The following SEM1 variants were observed in gnomAD, a reference collection of about 807,000 sequenced individuals.
The protein encoded by SEM1 is SEM1 26S proteasome subunit.
SEM1 carries 3 observed loss-of-function variants against 12.7 expected under a neutral mutation model. The ratio of observed to expected loss-of-function variants is 0.24; its 90% CI spans 0.11 to 0.61. The LOEUF is 0.61. Ranked by LOEUF, SEM1 falls within the 20% of genes least tolerant of loss-of-function variation. SEM1 has a pLI of 0.88. For synonymous variants in SEM1, 30 were observed against 27.8 expected (o/e 1.08, Z -0.25); for missense variants, 59 against 81.3 (o/e 0.73, Z 1.06).
downstream of SEM1, chr7:96,688,454 T>A (rs1178150489): frequency 1.3e-5 from 2 of 152,242 alleles, no homozygotes; most frequent in East Asian, 1.9e-4. Flanking sequence ...AAAGGTCACC[T>A]TATAAATGTC....
chr7:96,654,691 G>A (rs1017046082), intron 2 of SEM1, among the ~76,000 whole-genome samples: 10 of 152,152 alleles, frequency 6.6e-5, no homozygotes, highest in African/African-American at 2.2e-4. Context: ...TGGTAGGTAA[G>A]ATGTATTAAA....
chr7:96,695,968 TAAG>T (rs1205007962), intron 1 of SEM1: 1 of 152,016 alleles, frequency 6.6e-6, no homozygotes, highest in Non-Finnish European at 1.5e-5. Flanking sequence ...AACTATCTTT[TAAG>T]AAACAAAATT....
intron 2 of SEM1, among the ~76,000 whole-genome samples, chr7:96,513,596 A>C (rs1196307214): frequency 6.6e-6 from 1 of 152,078 alleles, no homozygotes; most frequent in African/African-American, 2.4e-5. Flanking sequence ...TAGGAGGCTG[A>C]GGTGGGCAGA....
intron 2 of SEM1, among the ~76,000 whole-genome samples, chr7:96,583,012 T>C (rs1318948066): frequency 2.6e-5 from 4 of 152,220 alleles, no homozygotes; most frequent in Non-Finnish European, 5.9e-5. Context: ...TGCCTTCTGC[T>C]ATCTTTTGAA....
At chr7:96,501,586 CAACCTGT>C (rs1803550638) in intron 3 of SEM1, among the ~76,000 whole-genome samples, 3 of 152,124 alleles carry the variant, frequency 2.0e-5, no homozygotes, top group African/African-American at 7.2e-5. Context: ...TGGTGGACTT[CAACCTGT>C]CATTGAGCAC....
chr7:96,555,333 TGTAA>T (rs1458283898), intron 2 of SEM1, among the ~76,000 whole-genome samples: 15 of 151,928 alleles, frequency 9.9e-5, no homozygotes, highest in Admixed American at 3.9e-4. Context: ...CATTTAGTGC[TGTAA>T]ATTTCCCTCT....
chr7:96,611,535 G>A (rs1490160273), intron 2 of SEM1, among the ~76,000 whole-genome samples: 1 of 152,150 alleles, frequency 6.6e-6, no homozygotes, highest in Non-Finnish European at 1.5e-5. Context: ...AAACAGTTAT[G>A]ACTTGTGATG....
intron 2 of SEM1, among the ~76,000 whole-genome samples, chr7:96,606,805 A>G (rs1430620442): frequency 1.3e-5 from 2 of 152,046 alleles, no homozygotes; most frequent in Non-Finnish European, 2.9e-5. Flanking sequence ...TTTTCCCGTA[A>G]TGTGTTATTA....
intron 2 of SEM1, among the ~76,000 whole-genome samples, chr7:96,525,060 C>T (rs557215438): frequency 6.6e-6 from 1 of 152,088 alleles, no homozygotes; most frequent in Non-Finnish European, 1.5e-5. Flanking sequence ...GTGGCTGATT[C>T]TTCTCCAGCC....
intron 2 of SEM1, among the ~76,000 whole-genome samples, chr7:96,595,681 T>C (rs1028915037): frequency 6.6e-6 from 1 of 152,090 alleles, no homozygotes; most frequent in Non-Finnish European, 1.5e-5. Context: ...TAGGGCCAGA[T>C]GTTTATAGAT....
At chr7:96,629,235 G>GT (rs1441537531) in intron 2 of SEM1, among the ~76,000 whole-genome samples, 5 of 151,950 alleles carry the variant, frequency 3.3e-5, no homozygotes, top group Non-Finnish European at 7.4e-5. Context: ...CTTTCTACCC[G>GT]TCTTTTTCTC....
chr7:96,600,544 C>T (rs184094128), intron 2 of SEM1, among the ~76,000 whole-genome samples: 1 of 152,302 alleles, frequency 6.6e-6, no homozygotes, highest in African/African-American at 2.4e-5. Context: ...GATGAGGAAT[C>T]TACAACTCAG....
At chr7:96,648,996 C>T in intron 2 of SEM1, among the ~76,000 whole-genome samples, 1 of 152,192 alleles carries the variant, frequency 6.6e-6, no homozygotes, top group East Asian at 1.9e-4. Flanking sequence ...AATAAGGTCG[C>T]TTTCTGCGAC....
Position 96,535,383 on chromosome 7 carries a change from G to T in SEM1, c.171-28685C>A, listed in dbSNP as rs915230798. Reference sequence around the variant, plus strand: ...TTCTTTTCGAATATATGTATTTAATGCTATAAAATGTCCTGTAAGCACTGT... The same window carrying T: ...TTCTTTTCGAATATATGTATTTAATTCTATAAAATGTCCTGTAAGCACTGT... On this transcript the variant is annotated intron_variant and NMD_transcript_variant, in intron 2 of 3. Transcript: ENST00000466986. Among the ~76,000 whole-genome samples, 60 of 151,746 alleles carry T rather than the reference G, an allele frequency of 4.0e-4. 1 individual carries two copies. Among genetic ancestry groups the T allele is most frequent in the South Asian group, 1.2e-3 (6 of 4,814 alleles).
At chr7:96,531,105 ATAT>A (rs1361843326) in intron 2 of SEM1, among the ~76,000 whole-genome samples, 2 of 152,118 alleles carry the variant, frequency 1.3e-5, no homozygotes, top group Admixed American at 6.5e-5. Flanking sequence ...CATGTTGGAG[ATAT>A]TATTATGGAT....
chr7:96,524,072 A>T (rs1325755387), intron 2 of SEM1, among the ~76,000 whole-genome samples: 1 of 152,070 alleles, frequency 6.6e-6, no homozygotes, highest in Non-Finnish European at 1.5e-5. Flanking sequence ...GGCACTTCTT[A>T]TGTAGACTTT....
chr7:96,486,211 C>G (rs1190850575), exon 2 of SEM1: 6 of 1,536,010 alleles, frequency 3.9e-6, no homozygotes, highest in Non-Finnish European at 5.2e-6. Context: ...ACCTGCAGAC[C>G]CAGGCTAACT....
chr7:96,527,332 G>T (rs532261060), intron 2 of SEM1, among the ~76,000 whole-genome samples: 1 of 152,170 alleles, frequency 6.6e-6, no homozygotes, highest in African/African-American at 2.4e-5. Flanking sequence ...TGCGGCAAAG[G>T]CCCCTGGGTA....
At chr7:96,589,104 G>C (rs932602834) in intron 2 of SEM1, among the ~76,000 whole-genome samples, 2 of 152,198 alleles carry the variant, frequency 1.3e-5, no homozygotes, top group African/African-American at 4.8e-5. Context: ...CCAGGTGTGG[G>C]AACCGCACTG....
Sources: allele counts gnomAD v4.1 joint callset (sites outside exome capture counted in the v4.1 genomes callset), GRCh38; gene constraint gnomAD v4.1.1; transcripts MANE v1.5; gene names NCBI Gene and HGNC (gene_info 2026-07-23, HGNC 2026-07-21).